Variants in PCDH9 observed in about 807,000 individuals in gnomAD.
PCDH9 encodes protocadherin 9, also known as protocadherin-9.
In PCDH9, 24 loss-of-function variants were observed where a neutral mutation model predicts 70.6. The observed-to-expected ratio is 0.34, with a 90% CI of 0.25 to 0.48. The LOEUF is 0.48. PCDH9 is among the 20% of genes least tolerant of loss of function. The pLI, the probability that PCDH9 is intolerant of heterozygous loss-of-function variation, is 0.99. For missense variants in PCDH9, 1,281 were observed against 1,503.6 expected, an observed-to-expected ratio of 0.85 and a Z score of 2.45; for synonymous variants, 562 against 558.5, an observed-to-expected ratio of 1.01 and a Z score of -0.09.
intron 4 of PCDH9, among the ~76,000 whole-genome samples, chr13:66,348,822 C>G (rs1482265157): frequency 2.0e-5 from 3 of 151,972 alleles, no homozygotes; most frequent in African/African-American, 7.3e-5. Flanking sequence ...TCACATTTGA[C>G]TTTTATGTTC....
intron 3 of PCDH9, among the ~76,000 whole-genome samples, chr13:66,697,582 A>T (rs1174400165): frequency 6.6e-6 from 1 of 152,154 alleles, no homozygotes; most frequent in Admixed American, 6.5e-5. Context: ...TGGACCAGAA[A>T]ATATTTTGCT....
At chr13:66,956,965 A>C (rs1409741377) in intron 2 of PCDH9, among the ~76,000 whole-genome samples, 1 of 152,028 alleles carries the variant, frequency 6.6e-6, no homozygotes, top group Admixed American at 6.6e-5. Flanking sequence ...TTATCTCCAG[A>C]CTGAATTTTC....
intron 4 of PCDH9, among the ~76,000 whole-genome samples, chr13:66,581,058 G>A (rs894458918): frequency 1.3e-5 from 2 of 152,010 alleles, no homozygotes; most frequent in Non-Finnish European, 2.9e-5. Context: ...TTACATTAAA[G>A]TCTTTACACC....
intron 2 of PCDH9, among the ~76,000 whole-genome samples, chr13:67,113,527 A>T (rs192178786): frequency 2.5e-4 from 38 of 152,248 alleles, no homozygotes; most frequent in African/African-American, 7.9e-4. Flanking sequence ...AAAACAACTT[A>T]CATTAGTTTA....
At chr13:66,955,896 G>A (rs1320967671) in intron 2 of PCDH9, among the ~76,000 whole-genome samples, 1 of 151,878 alleles carries the variant, frequency 6.6e-6, no homozygotes, top group Non-Finnish European at 1.5e-5. Context: ...GTTCGACACC[G>A]GCCTGGCCAA....
chr13:66,757,322 T>C (rs1317314323), intron 3 of PCDH9, among the ~76,000 whole-genome samples: 2 of 152,246 alleles, frequency 1.3e-5, no homozygotes, highest in Non-Finnish European at 2.9e-5. Context: ...CATTACTTTA[T>C]GAAATAAATT....
At chr13:66,791,153 A>T (rs1325791837) in intron 3 of PCDH9, among the ~76,000 whole-genome samples, 1 of 152,154 alleles carries the variant, frequency 6.6e-6, no homozygotes, top group African/African-American at 2.4e-5. Context: ...TTCATCTGTA[A>T]TAATGCAAGA....
intron 4 of PCDH9, among the ~76,000 whole-genome samples, chr13:66,351,824 T>C (rs990111210): frequency 1.4e-5 from 2 of 143,774 alleles, no homozygotes; most frequent in African/African-American, 5.0e-5. Flanking sequence ...CACATTCCTT[T>C]TTTTTTTCTT....
chr13:66,572,079 T>C (rs1159217309), intron 4 of PCDH9, among the ~76,000 whole-genome samples: 1 of 152,098 alleles, frequency 6.6e-6, no homozygotes, highest in East Asian at 1.9e-4. Flanking sequence ...TTTCACCATA[T>C]AAGCTTTTTT....
chr13:66,469,628 C>T (rs995753922), intron 4 of PCDH9, among the ~76,000 whole-genome samples: 7 of 151,970 alleles, frequency 4.6e-5, no homozygotes, highest in Admixed American at 2.0e-4. Context: ...TATGCCACAG[C>T]GTGTTTTAAT....
At chr13:66,385,913 G>A (rs539970773) in intron 4 of PCDH9, among the ~76,000 whole-genome samples, 1 of 151,824 alleles carries the variant, frequency 6.6e-6, no homozygotes, top group Non-Finnish European at 1.5e-5. Flanking sequence ...GCCTTCGGTG[G>A]ACAGGCATGT....
intron 2 of PCDH9, among the ~76,000 whole-genome samples, chr13:67,091,998 T>A (rs1415417532): frequency 1.3e-5 from 2 of 152,304 alleles, no homozygotes; most frequent in South Asian, 4.1e-4. Flanking sequence ...AGGGAATGTG[T>A]TATACTTATT....
At chr13:66,730,844 G>C (rs1193581303) in intron 3 of PCDH9, among the ~76,000 whole-genome samples, 2 of 94,362 alleles carry the variant, frequency 2.1e-5, no homozygotes, top group African/African-American at 7.2e-5. Flanking sequence ...ATGCCTGGCT[G>C]TTTTTTTGTT....
At chr13:66,789,878 C>A (rs2080137254) in intron 3 of PCDH9, among the ~76,000 whole-genome samples, 1 of 152,074 alleles carries the variant, frequency 6.6e-6, no homozygotes, top group Admixed American at 6.6e-5. Context: ...AATAAGTGAG[C>A]AGTGTACAAA....
At chr13:67,153,874 A>T (rs1398901609) in intron 2 of PCDH9, among the ~76,000 whole-genome samples, 2 of 152,312 alleles carry the variant, frequency 1.3e-5, no homozygotes, top group Non-Finnish European at 2.9e-5. Flanking sequence ...AAAGGAAATC[A>T]TGTTGCATAA....
At chr13:66,922,619 T>C (rs1049288643) in intron 2 of PCDH9, among the ~76,000 whole-genome samples, 2 of 151,508 alleles carry the variant, frequency 1.3e-5, no homozygotes, top group Non-Finnish European at 3.0e-5. Context: ...TGAATAAACA[T>C]TGCTACTGCT....
chr13:66,341,570 A>G (rs1035724971), intron 4 of PCDH9, among the ~76,000 whole-genome samples: 1 of 152,180 alleles, frequency 6.6e-6, no homozygotes, highest in African/African-American at 2.4e-5. Context: ...TAACAAATCC[A>G]CAAGTGATTC....
chr13:66,858,935 C>T (rs2139474765), intron 3 of PCDH9: 1 of 152,242 alleles, frequency 6.6e-6, no homozygotes, highest in Non-Finnish European at 1.5e-5. Context: ...CCTCTGATAT[C>T]AATTTTATGA....
rs1006639747 is a variant in PCDH9, at chr13:66,857,861, C to G, written c.3138+45643G>C. On this transcript the variant is annotated intron_variant, in intron 3 of 4. Transcript: ENST00000377865. ...GCACCTTTTCCTCCCAATTCATAGA[C>G]ATACTGATATTATTTGCTTTGTCAC... Among the ~76,000 whole-genome samples the G allele has an allele frequency of 2.6e-5, 4 of 152,070 alleles. No homozygotes were observed. In the South Asian group the frequency reaches 8.3e-4, roughly 31 times the overall value.
Sources: allele counts gnomAD v4.1 joint callset (sites outside exome capture counted in the v4.1 genomes callset), GRCh38; gene constraint gnomAD v4.1.1; transcripts MANE v1.5; gene names NCBI Gene and HGNC (gene_info 2026-07-23, HGNC 2026-07-21).